The following ITGAX variants were observed in gnomAD, a reference collection of about 807,000 sequenced individuals.
ITGAX encodes the protein integrin subunit alpha X, also known as integrin alpha-X.
In ITGAX, 99 loss-of-function variants were observed where a neutral mutation model predicts 140.2. The ratio of observed to expected loss-of-function variants is 0.71; its 90% CI spans 0.60 to 0.83. ITGAX has a LOEUF of 0.83. Among genes scored for constraint, ITGAX ranks in the 40% least tolerant of loss-of-function variants. The probability of loss-of-function intolerance (pLI) is 0.00; values close to 1 mark genes in which losing one functional copy is unlikely to be tolerated. For synonymous variants in ITGAX, 631 were observed against 600.4 expected, an observed-to-expected ratio of 1.05 and a Z score of -0.75; for missense variants, 1,444 against 1,482.0, an observed-to-expected ratio of 0.97 and a Z score of 0.42.
At position 31,377,218 on chromosome 16, in the gene ITGAX, C is replaced by G; in HGVS notation, c.2742C>G (p.Phe914Leu). The G allele has an allele frequency of 6.2e-7, 1 of 1,614,082 alleles. No homozygotes were observed. The highest frequency in any genetic ancestry group is 2.2e-5 in the East Asian group (1 of 44,874). Residue 914 changes from phenylalanine to leucine, a missense_variant, in exon 23 of 30, where the codon TTC becomes TTG. By Grantham distance (22) the Phe-to-Leu change is conservative (BLOSUM62 0). Transcript: ENST00000268296. ...CTCCCAGGACCAGCAAGACCACCTT[C>G]CAGCTGGAGCTCCCGGTGAAGTATG... is the stretch of plus-strand genomic sequence containing the variant. ...NNTPRTSKTTFQLELPVKYAV... is the reference protein window; with the variant it reads ...NNTPRTSKTTLQLELPVKYAV...
At position 31,360,435 on chromosome 16, in the gene ITGAX, C is replaced by G. The variant is rs777870029; in HGVS notation, c.833C>G (p.Ala278Gly). 6.2e-6 allele frequency: 10 copies of G among 1,612,668 alleles called. No individual in the cohort carries two copies. The highest frequency in any genetic ancestry group is 8.5e-6 in the Non-Finnish European group (10 of 1,179,430). Residue 278 changes from alanine (A) to glycine (G), a missense_variant, in exon 8 of 30, where the codon GCA (alanine) becomes GGA (glycine). Ala to Gly is a moderately conservative substitution (Grantham distance 60). Transcript: ENST00000268296. ...AAGGATGTCATCCCCATGGCTGATGCAGCAGGCATCATCCGCTATGCAATT... is the reference window on the plus strand; with the variant it reads ...AAGGATGTCATCCCCATGGCTGATGGAGCAGGCATCATCCGCTATGCAATT... Reference protein sequence around the residue: ...DYKDVIPMADAAGIIRYAIGV... With the variant: ...DYKDVIPMADGAGIIRYAIGV...
At chr16:31,381,073 G>A in intron 29 of ITGAX, 66 bp downstream of exon 29, 2 of 1,305,616 alleles carry the variant, frequency 1.5e-6, no homozygotes, top group Non-Finnish European at 1.1e-6. Context: ...AGAGTGAGAA[G>A]GAGCTCACTT....
At chr16:31,356,153 G>C in intron 2 of ITGAX, 155 bp downstream of exon 2, 1 of 576,564 alleles carries the variant, frequency 1.7e-6, no homozygotes, top group Non-Finnish European at 3.1e-6. Context: ...AGGCAGGCAC[G>C]GTCTCACAGC....
At chr16:31,365,256 G>A (rs1358799670) in intron 14 of ITGAX, among the ~76,000 whole-genome samples, 1 of 152,104 alleles carries the variant, frequency 6.6e-6, no homozygotes, top group African/African-American at 2.4e-5. Flanking sequence ...GTCTCTTTTT[G>A]GGGTAGTGGA....
Position 31,356,723 on chromosome 16 carries a change from T to G in ITGAX, c.242T>G (p.Leu81Arg), listed in dbSNP as rs966794289. The G allele has an allele frequency of 3.1e-5, 49 of 1,583,798 alleles. No homozygotes were observed. The highest frequency in any genetic ancestry group is 3.5e-5 in the Non-Finnish European group (41 of 1,165,886). ...YSTGACEPIG[L>R]QVPPEAVNMS... Reference sequence around the variant, plus strand: ...ACTGGTGCCTGTGAGCCCATCGGCCTGCAGGGTGAGTCACCGCCCCTCCCG... The same window carrying G: ...ACTGGTGCCTGTGAGCCCATCGGCCGGCAGGGTGAGTCACCGCCCCTCCCG... Residue 81 changes from leucine to arginine, a missense_variant, in exon 3 of 30, where the codon CTG becomes CGG. Transcript: ENST00000268296.
chr16:31,371,530 T>C (rs754542921), intron 16 of ITGAX, 33 bp downstream of exon 16: 1 of 1,611,796 alleles, frequency 6.2e-7, no homozygotes, highest in African/African-American at 1.3e-5. Flanking sequence ...CAGGACACCC[T>C]GACCTCTGGA....
At chr16:31,373,462 G>T in intron 20 of ITGAX, 72 bp downstream of exon 20, 1 of 1,481,838 alleles carries the variant, frequency 6.7e-7, no homozygotes, top group Non-Finnish European at 9.1e-7. Flanking sequence ...TTCAGAACCC[G>T]GGCTGGGCTT....
rs759715449 is a variant in ITGAX, at chr16:31,355,906, T to C, written c.51T>C (p.Ser17=). The stretch of plus-strand genomic sequence containing the variant: ...CCTCTTTCCCAGCCTTAGCAACTTC[T>C]CTAGGTTTCAACTTGGACACAGAGG... ...ALLLFTALAT[S]LGFNLDTEEL... The change falls in exon 2 of 30, where the codon TCT becomes TCC. Residue 17 remains serine (S), a synonymous_variant. Coordinates refer to ENST00000268296, the MANE Select transcript of ITGAX (RefSeq NM_000887.5). 2 of 1,613,546 alleles carry C rather than the reference T, an allele frequency of 1.2e-6. No homozygotes were observed. The highest frequency in any genetic ancestry group is 2.2e-5 in the South Asian group (2 of 91,036).
chr16:31,380,857 G>C, intron 28 of ITGAX, 40 bp from the exon 29 acceptor site: 1 of 1,552,432 alleles, frequency 6.4e-7, no homozygotes, highest in Non-Finnish European at 8.9e-7. Flanking sequence ...TGGGATAGTA[G>C]GAGGATGGGA....
In ITGAX at chr16:31,382,167, C is replaced by T. The variant is rs1334777180; in HGVS notation, c.*260C>T. The T allele has an allele frequency of 3.6e-6, 5 of 1,396,218 alleles. No homozygotes were observed. The highest frequency in any genetic ancestry group is 4.6e-6 in the Non-Finnish European group (5 of 1,080,058). 86.5% of individuals were successfully genotyped at this position (1,396,218 alleles called of 1,614,324 possible). A position where few individuals can be genotyped will look rare whatever the true frequency, so the allele number is the denominator to read the frequency against. On this transcript the variant is annotated 3_prime_UTR_variant, in exon 30 of 30. Coordinates refer to ENST00000268296, the MANE Select transcript of ITGAX (RefSeq NM_000887.5). ...CAATTTCTACCTAGAAATACATGGA[C>T]AATACCCCCAGGCCTCAGTCTCCCT...
chr16:31,372,358 C>T lies in ITGAX; in HGVS notation c.2161-20C>T. 2 of 1,588,962 alleles carry T rather than the reference C, an allele frequency of 1.3e-6. No individual in the cohort carries two copies. Among genetic ancestry groups the T allele is most frequent in the Non-Finnish European group, 8.5e-7 (1 of 1,173,886 alleles). On this transcript the variant is annotated intron_variant, in intron 17 of 29. Transcript: ENST00000268296. ...TTACCCTCCCCTTACCCTCCGCTCC[C>T]CGCGACGCCCGTCCCCCAGAGCTGC... is the stretch of plus-strand genomic sequence containing the variant.
intron 14 of ITGAX, among the ~76,000 whole-genome samples, chr16:31,369,717 T>C (rs541887641): frequency 6.6e-6 from 1 of 152,376 alleles, no homozygotes; most frequent in South Asian, 2.1e-4. Context: ...CTAGCCTTTC[T>C]AGACTCCCTC....
chr16:31,363,063 C>T lies in ITGAX; in HGVS notation c.1488C>T (p.Pro496=), dbSNP rs529634102. 1.5e-6 allele frequency: 2 copies of T among 1,354,584 alleles called. No homozygotes were observed. Among genetic ancestry groups the T allele is most frequent in the East Asian group, 4.0e-5 (1 of 25,190 alleles). 83.9% of individuals were successfully genotyped at this position (1,354,584 alleles called of 1,614,324 possible). A position where few individuals can be genotyped will look rare whatever the true frequency, so the allele number is the denominator to read the frequency against. Residue 496 remains proline (P), a synonymous_variant, in exon 13 of 30, where the codon CCC becomes CCT. Coordinates refer to ENST00000268296, the MANE Select transcript of ITGAX (RefSeq NM_000887.5). ...QTRGGQVSVC[P]LPRGWRRWWC... is the part of the protein sequence containing the mutation. ...GAGGGGGCCAGGTGTCTGTGTGTCC[C>T]TTGCCCAGGGGGGTGAGTGGCTGAT...
Position 31,374,462 on chromosome 16 carries a change from C to T in ITGAX, c.2508+1072C>T, listed in dbSNP as rs559001757. ...TTTCTTTATTTCTTTATTTTTGAGA[C>T]AGGGTTTTGCTCTGTCACACAGGCT... On this transcript the variant is annotated intron_variant, in intron 20 of 29. Transcript: ENST00000268296. Among the ~76,000 whole-genome samples the T allele has an allele frequency of 2.6e-5, 4 of 152,130 alleles. No individual in the cohort carries two copies. In the South Asian group the frequency reaches 8.3e-4, roughly 32 times the overall value.
chr16:31,382,153 T>C lies in ITGAX; in HGVS notation c.*246T>C. On this transcript the variant is annotated 3_prime_UTR_variant, in exon 30 of 30. Coordinates refer to ENST00000268296, the MANE Select transcript of ITGAX (RefSeq NM_000887.5). ...AAGGACTTGACTTGCAATTTCTACC[T>C]AGAAATACATGGACAATACCCCCAG... is the stretch of plus-strand genomic sequence containing the variant. The C allele has an allele frequency of 7.1e-7, 1 of 1,406,764 alleles. No homozygotes were observed. Among genetic ancestry groups the C allele is most frequent in the Non-Finnish European group, 9.2e-7 (1 of 1,087,064 alleles). 87.1% of individuals were successfully genotyped at this position (1,406,764 alleles called of 1,614,324 possible).
rs755830675 is a variant in ITGAX at position 31,380,913 on chromosome 16, A to T, written c.3293A>T (p.Glu1098Val). The change falls in exon 29 of 30, where the codon GAG becomes GTG. Residue 1098 changes from glutamate (E) to valine (V), a missense_variant. Coordinates refer to ENST00000268296, the MANE Select transcript of ITGAX (RefSeq NM_000887.5). ...FMRAQTTTVL[E>V]KYKVHNPTPL... is the part of the protein sequence containing the mutation. ...CCACTTCAGACGACAACGGTGCTGG[A>T]GAAGTACAAGGTCCACAACCCCACC... 1.2e-6 allele frequency: 2 copies of T among 1,613,940 alleles called. No individual in the cohort carries two copies. The highest frequency in any genetic ancestry group is 2.7e-5 in the African/African-American group (2 of 74,892).
rs2080830434 is a variant in ITGAX, at chr16:31,361,901, T to C, written c.1078T>C (p.Phe360Leu). 1 of 1,613,928 alleles carries C rather than the reference T, an allele frequency of 6.2e-7. No individual in the cohort carries two copies. The highest frequency in any genetic ancestry group is 8.5e-7 in the Non-Finnish European group (1 of 1,179,996). The change falls in exon 10 of 30, where the codon TTC becomes CTC. Residue 360 changes from phenylalanine (F) to leucine (L), a missense_variant. By Grantham distance (22) the Phe-to-Leu change is conservative. Coordinates refer to ENST00000268296, the MANE Select transcript of ITGAX (RefSeq NM_000887.5). ...GGCACAGGAGGGCTTCAGCGCTGTG[T>C]TCACACCTGTGAGTGGGGCCCCTTA... ...EMAQEGFSAV[F>L]TPDGPVLGAV...
intron 14 of ITGAX, among the ~76,000 whole-genome samples, chr16:31,368,470 C>T (rs1449514098): frequency 1.4e-5 from 2 of 143,368 alleles, no homozygotes; most frequent in African/African-American, 5.2e-5. Flanking sequence ...TGCACTCTAG[C>T]CTGGGCGACA....
chr16:31,355,756 G>A (rs1195886220), intron 1 of ITGAX, 137 bp from the exon 2 acceptor site: 6 of 684,200 alleles, frequency 8.8e-6, no homozygotes, highest in South Asian at 1.7e-5. Context: ...AGAAGGGGAT[G>A]AGTTGGGTGT....
Sources: gnomAD v4.1 joint callset for allele counts (sites outside exome capture counted in the v4.1 genomes callset) on GRCh38, gnomAD v4.1.1 for gene constraint, MANE v1.5 for transcripts, NCBI Gene and HGNC (gene_info 2026-07-23, HGNC 2026-07-21) for gene names.